The following C8orf34 variants were observed in gnomAD, a reference collection of about 807,000 sequenced individuals.
C8orf34 encodes uncharacterized protein C8orf34.
In C8orf34, 65 loss-of-function variants were observed where a neutral mutation model predicts 68.3. That is an observed-to-expected ratio of 0.95 (90% CI 0.78 to 1.17). The LOEUF (loss-of-function observed/expected upper bound fraction) is 1.17, where lower values mean the gene tolerates loss of function less well. Ranked by LOEUF, C8orf34 falls within the 50% of genes most tolerant of loss-of-function variation. The probability of loss-of-function intolerance (pLI) is 0.00; values close to 1 mark genes in which losing one functional copy is unlikely to be tolerated. For missense variants in C8orf34, 664 were observed against 655.4 expected (o/e 1.01, Z -0.14); for synonymous variants, 244 against 241.2 (o/e 1.01, Z -0.11).
chr8:68,622,482 G>T (rs186177980), intron 7 of C8orf34, among the ~76,000 whole-genome samples: 3 of 152,298 alleles, frequency 2.0e-5, no homozygotes, highest in Admixed American at 2.0e-4. Context: ...TTGTAAGTGA[G>T]AAAGGGACCA....
intron 1 of C8orf34, among the ~76,000 whole-genome samples, chr8:68,420,896 A>T (rs1472050731): frequency 6.6e-6 from 1 of 152,084 alleles, no homozygotes; most frequent in East Asian, 1.9e-4. Flanking sequence ...AAGAATAGAA[A>T]TAGAAGCAGA....
chr8:68,579,772 A>G (rs941421796), intron 7 of C8orf34, among the ~76,000 whole-genome samples: 2 of 152,164 alleles, frequency 1.3e-5, no homozygotes, highest in Non-Finnish European at 2.9e-5. Context: ...TAGACTAAGG[A>G]TGCCAAATGT....
intron 1 of C8orf34, among the ~76,000 whole-genome samples, chr8:68,406,109 G>A: frequency 6.6e-6 from 1 of 152,138 alleles, no homozygotes; most frequent in East Asian, 1.9e-4. Flanking sequence ...GCAGGATTTG[G>A]CCTGGGGACC....
intron 7 of C8orf34, among the ~76,000 whole-genome samples, chr8:68,599,507 T>C (rs999737820): frequency 1.3e-5 from 2 of 151,662 alleles, no homozygotes; most frequent in Admixed American, 1.3e-4. Flanking sequence ...AACATAAAAA[T>C]AGGCCAATGT....
rs941814862 is a variant in C8orf34, at chr8:68,441,051, T to G, written c.475+1405T>G. On this transcript the variant is annotated intron_variant, in intron 2 of 13. Coordinates refer to ENST00000518698, the MANE Select transcript of C8orf34 (RefSeq NM_052958.4). The stretch of plus-strand genomic sequence containing the variant: ...GATCTCCTGACCTCGTGATCCGCCC[T>G]CCTTGGCCTCCCAAAGTGCTGGGAT... 7.2e-5 allele frequency among the ~76,000 whole-genome samples: 11 copies of G among 152,160 alleles called. No individual in the cohort carries two copies. In the East Asian group the frequency reaches 1.4e-3, roughly 19 times the overall value.
chr8:68,720,745 G>T (rs775247651), intron 9 of C8orf34, among the ~76,000 whole-genome samples: 11 of 151,742 alleles, frequency 7.2e-5, no homozygotes, highest in African/African-American at 2.4e-4. Context: ...TCTGGTGGTT[G>T]TTATAATGTC....
intron 12 of C8orf34, among the ~76,000 whole-genome samples, chr8:68,810,260 C>A (rs921108119): frequency 2.0e-5 from 3 of 152,306 alleles, no homozygotes; most frequent in South Asian, 2.1e-4. Context: ...CTACACACAG[C>A]CAGGCATGCT....
chr8:68,419,430 G>A (rs1166298975), intron 1 of C8orf34, among the ~76,000 whole-genome samples: 2 of 150,262 alleles, frequency 1.3e-5, no homozygotes, highest in African/African-American at 5.0e-5. Flanking sequence ...TGATTCCTCA[G>A]GGATCTAGAA....
At chr8:68,533,282 T>G in intron 7 of C8orf34, 133 bp downstream of exon 7, 1 of 1,406,884 alleles carries the variant, frequency 7.1e-7, no homozygotes, top group Non-Finnish European at 9.2e-7. Flanking sequence ...CATATTTTAT[T>G]TACATTAGAC....
chr8:68,649,648 A>G (rs1296087170), intron 8 of C8orf34, among the ~76,000 whole-genome samples: 1 of 152,226 alleles, frequency 6.6e-6, no homozygotes, highest in Non-Finnish European at 1.5e-5. Flanking sequence ...TTGTAAATCA[A>G]TGCAAAATTC....
intron 1 of C8orf34, among the ~76,000 whole-genome samples, chr8:68,374,106 A>G (rs898669386): frequency 6.6e-6 from 1 of 152,122 alleles, no homozygotes; most frequent in Admixed American, 6.6e-5. Flanking sequence ...GTAGAGATGC[A>G]GTCTCGCTAT....
At chr8:68,757,803 C>T (rs1386025497) in intron 10 of C8orf34, among the ~76,000 whole-genome samples, 1 of 151,996 alleles carries the variant, frequency 6.6e-6, no homozygotes, top group Non-Finnish European at 1.5e-5. Context: ...TTCCAGAGAC[C>T]CATGGTCAAA....
chr8:68,679,418 A>C (rs550195758), intron 8 of C8orf34, among the ~76,000 whole-genome samples: 43 of 152,316 alleles, frequency 2.8e-4, no homozygotes, highest in Non-Finnish European at 4.6e-4. Context: ...TGATGAAAAA[A>C]ATTTAAGAGG....
chr8:68,810,841 C>T (rs1824629093), intron 12 of C8orf34, among the ~76,000 whole-genome samples: 1 of 152,166 alleles, frequency 6.6e-6, no homozygotes, highest in Non-Finnish European at 1.5e-5. Flanking sequence ...CTGGCTGAAT[C>T]CAGGTTTTTA....
chr8:68,461,075 C>G (rs919989194), intron 3 of C8orf34, among the ~76,000 whole-genome samples: 2 of 152,122 alleles, frequency 1.3e-5, no homozygotes, highest in African/African-American at 4.8e-5. Flanking sequence ...ACTAGAATAA[C>G]CAATACAGAG....
At chr8:68,456,715 A>G (rs1291274654) in intron 3 of C8orf34, among the ~76,000 whole-genome samples, 4 of 152,144 alleles carry the variant, frequency 2.6e-5, no homozygotes, top group Non-Finnish European at 5.9e-5. Flanking sequence ...GTTTTGATGA[A>G]GGTTTTGCCT....
chr8:68,566,571 C>T (rs759937280), intron 7 of C8orf34, among the ~76,000 whole-genome samples: 6 of 152,196 alleles, frequency 3.9e-5, no homozygotes, highest in South Asian at 2.1e-4. Context: ...AACCAACCCC[C>T]GCTAGCTTTC....
intron 12 of C8orf34, among the ~76,000 whole-genome samples, chr8:68,812,502 G>A (rs1315814592): frequency 6.6e-6 from 1 of 151,820 alleles, no homozygotes; most frequent in Non-Finnish European, 1.5e-5. Context: ...TCCATATTAG[G>A]ACACATAGGA....
At chr8:68,770,312 C>T (rs369957423) in intron 10 of C8orf34, among the ~76,000 whole-genome samples, 12 of 152,274 alleles carry the variant, frequency 7.9e-5, no homozygotes, top group African/African-American at 2.4e-4. Context: ...TGTGTTAACA[C>T]ATTAAAGCAT....
Sources: gnomAD v4.1 joint callset for allele counts (sites outside exome capture counted in the v4.1 genomes callset) on GRCh38, gnomAD v4.1.1 for gene constraint, MANE v1.5 for transcripts, NCBI Gene and HGNC (gene_info 2026-07-23, HGNC 2026-07-21) for gene names.